The following WDR49 variants were observed in gnomAD, a reference collection of about 807,000 sequenced individuals.
WDR49 encodes WD repeat domain 49.
In WDR49, 107 loss-of-function variants were observed where a neutral mutation model predicts 119.5. The ratio of observed to expected loss-of-function variants is 0.90; its 90% CI spans 0.77 to 1.05. The LOEUF (loss-of-function observed/expected upper bound fraction) is 1.05. Among genes scored for constraint, WDR49 ranks in the 50% least tolerant of loss-of-function variants. WDR49 has a pLI of 0.00. For missense variants in WDR49, 1,240 were observed against 1,220.5 expected (o/e 1.02, Z -0.24); for synonymous variants, 425 against 418.8 (o/e 1.01, Z -0.18).
chr3:167,527,924 C>T lies in WDR49; in HGVS notation c.2500G>A (p.Glu834Lys), dbSNP rs1279718882. ...QPHEDRISSL[E>K]MCEPGGQLLI... The stretch of plus-strand genomic sequence containing the variant: ...AACTGACCACCTGGCTCACACATCT[C>T]TAAGGAACTTATTCGGTCCTCATGA... The change falls in exon 15 of 19, where the codon GAG becomes AAG. Residue 834 changes from glutamate (E) to lysine (K), a missense_variant. By Grantham distance (56) the Glu-to-Lys change is moderately conservative. Coordinates refer to ENST00000682715, the MANE Select transcript of WDR49 (RefSeq NM_001366157.1). 3.7e-6 allele frequency: 6 copies of T among 1,613,206 alleles called. No individual in the cohort carries two copies. The highest frequency in any genetic ancestry group is 1.1e-5 in the South Asian group (1 of 91,058).
chr3:167,648,742 G>GCT (rs1403184002), intron 2 of WDR49, among the ~76,000 whole-genome samples: 1 of 152,144 alleles, frequency 6.6e-6, no homozygotes. Flanking sequence ...ATTCCCTAGT[G>GCT]CTCTCCACTG....
At chr3:167,547,023 A>C (rs1413368725) in intron 10 of WDR49, among the ~76,000 whole-genome samples, 4 of 151,684 alleles carry the variant, frequency 2.6e-5, no homozygotes, top group Non-Finnish European at 5.9e-5. Flanking sequence ...AATAAATATA[A>C]ATTGTATGTA....
In WDR49 at chr3:167,626,829, A is replaced by AT. The variant is rs930220900; in HGVS notation, c.606+22dup. 5.8e-5 allele frequency: 71 copies of AT among 1,233,824 alleles called. No individual in the cohort carries two copies. In the African/African-American group the frequency reaches 9.5e-4, roughly 16 times the overall value. 76.4% of individuals were successfully genotyped at this position (1,233,824 alleles called of 1,614,324 possible). A position where few individuals can be genotyped will look rare whatever the true frequency, so the allele number is the denominator to read the frequency against. On this transcript the variant is annotated intron_variant, in intron 3 of 18. Coordinates refer to ENST00000682715, the MANE Select transcript of WDR49 (RefSeq NM_001366157.1). ...GTTTTCCCTCTTTTACAAGCAGTAC[A>AT]TTTTTTTATAAAGAGTCTGTACCTT...
chr3:167,500,755 T>C (rs2140364), intron 17 of WDR49, among the ~76,000 whole-genome samples: 54,365 of 152,074 alleles, frequency 0.36, 9,895 homozygotes, highest in East Asian at 0.47. Context: ...TTGTATTTAT[T>C]ATGCACACAA....
chr3:167,642,042 A>G (rs182832922), intron 2 of WDR49, among the ~76,000 whole-genome samples: 2 of 152,114 alleles, frequency 1.3e-5, no homozygotes, highest in African/African-American at 4.8e-5. Flanking sequence ...GAGGATGGGA[A>G]GAAAAGGATA....
chr3:167,507,238 T>G (rs1751806584), intron 16 of WDR49, among the ~76,000 whole-genome samples: 2 of 152,166 alleles, frequency 1.3e-5, no homozygotes, highest in Admixed American at 1.3e-4. Context: ...TTACAGATTT[T>G]TTTTTCTTTT....
At chr3:167,611,582 A>C (rs1299364153) in intron 5 of WDR49, among the ~76,000 whole-genome samples, 1 of 152,172 alleles carries the variant, frequency 6.6e-6, no homozygotes. Flanking sequence ...TCTTCAAGAA[A>C]CACACTTCAC....
At chr3:167,616,723 G>A (rs868011987) in intron 5 of WDR49, among the ~76,000 whole-genome samples, 1 of 151,754 alleles carries the variant, frequency 6.6e-6, no homozygotes, top group Non-Finnish European at 1.5e-5. Flanking sequence ...ACAAATCCAA[G>A]AATTTTAATG....
At chr3:167,603,454 A>C (rs1034981798) in intron 6 of WDR49, among the ~76,000 whole-genome samples, 2 of 152,172 alleles carry the variant, frequency 1.3e-5, no homozygotes, top group East Asian at 3.9e-4. Flanking sequence ...ATTCATATTC[A>C]AGGTATCTGT....
Position 167,553,743 on chromosome 3 carries a change from T to C in WDR49, c.1823+907A>G, listed in dbSNP as rs185518279. 1.0e-3 allele frequency among the ~76,000 whole-genome samples: 153 copies of C among 152,206 alleles called. 2 individuals carry two copies. The highest frequency in any genetic ancestry group is 3.5e-3 in the African/African-American group (146 of 41,550). On this transcript the variant is annotated intron_variant, in intron 10 of 18. Transcript: ENST00000682715. ...CTTGTCCTTCACAGATGAGGATGAT[T>C]GAATTAGTTCTTAATATCAAGTAGA...
In WDR49 at chr3:167,482,092, G is replaced by A. The variant is rs530096558; in HGVS notation, c.3032-3096C>T. Among the ~76,000 whole-genome samples the A allele has an allele frequency of 4.4e-4, 67 of 152,272 alleles. No homozygotes were observed. The South Asian group carries it at 0.013, about 31-fold the overall frequency. On this transcript the variant is annotated intron_variant, in intron 18 of 18. Transcript: ENST00000682715. ...CAAAACCAAGTGATATCCCAGTAAT[G>A]TTATTAGACTTTAGAGATAAAGAGG... is the stretch of plus-strand genomic sequence containing the variant.
Position 167,588,575 on chromosome 3 carries a change from A to G in WDR49, c.1276-12424T>C, listed in dbSNP as rs186015124. On this transcript the variant is annotated intron_variant, in intron 7 of 18. Transcript: ENST00000682715. ...AATGCATGAGAATACCCTTTTATCC[A>G]CATCCTCACCAGCATTTGTTATTGC... 5.9e-5 allele frequency among the ~76,000 whole-genome samples: 9 copies of G among 152,292 alleles called. No individual in the cohort carries two copies. The East Asian group carries it at 1.7e-3, about 29-fold the overall frequency.
intron 2 of WDR49, 36 bp from the exon 3 acceptor site, chr3:167,627,328 C>G: frequency 3.2e-6 from 4 of 1,231,314 alleles, no homozygotes; most frequent in Non-Finnish European, 4.1e-6. Context: ...AATGAGACAA[C>G]AGTGAAATCA....
intron 8 of WDR49, chr3:167,574,964 G>T: frequency 1.5e-6 from 1 of 686,108 alleles, no homozygotes; most frequent in Non-Finnish European, 1.8e-6. Flanking sequence ...AGAAAACAGT[G>T]TTTTAAATAG....
At chr3:167,576,496 A>G (rs530884180) in intron 7 of WDR49, among the ~76,000 whole-genome samples, 1 of 152,270 alleles carries the variant, frequency 6.6e-6, no homozygotes, top group African/African-American at 2.4e-5. Context: ...TTAGGTGGCA[A>G]AAGAGATTCT....
chr3:167,591,234 T>C (rs900108655), intron 7 of WDR49, among the ~76,000 whole-genome samples: 2 of 152,138 alleles, frequency 1.3e-5, no homozygotes, highest in Non-Finnish European at 2.9e-5. Context: ...CTCTTGTTAT[T>C]GATGTCTAGT....
chr3:167,488,145 AACACACACACACAC>A lies in WDR49; in HGVS notation c.3032-9163_3032-9150del, dbSNP rs57719248. 5.8e-3 allele frequency among the ~76,000 whole-genome samples: 795 copies of A among 136,282 alleles called. 6 individuals carry two copies. Among genetic ancestry groups the A allele is most frequent in the African/African-American group, 0.02 (755 of 37,688 alleles). 89.4% of individuals were successfully genotyped at this position (136,282 alleles called of 152,430 possible). ...GGATAAAGAAAATGTGATACACTCA[AACACACACACACAC>A]ACACACACACACACACACACACACA... is the stretch of plus-strand genomic sequence containing the variant. On this transcript the variant is annotated intron_variant, in intron 18 of 18. Transcript: ENST00000682715.
At chr3:167,634,932 C>A (rs900001781) in intron 2 of WDR49, among the ~76,000 whole-genome samples, 2 of 151,800 alleles carry the variant, frequency 1.3e-5, no homozygotes, top group Non-Finnish European at 2.9e-5. Flanking sequence ...TCATGATATA[C>A]ATACATATCT....
At position 167,551,846 on chromosome 3, in the gene WDR49, G is replaced by C. The variant is rs1001658844; in HGVS notation, c.1823+2804C>G. On this transcript the variant is annotated intron_variant, in intron 10 of 18. Coordinates refer to ENST00000682715, the MANE Select transcript of WDR49 (RefSeq NM_001366157.1). ...TCACCAAGTATCTAGTAAGCTCCAG[G>C]AATGCACACATACACAAATATCCCT... Among the ~76,000 whole-genome samples, 4 of 151,690 alleles carry C rather than the reference G, an allele frequency of 2.6e-5. No homozygotes were observed. The Admixed American group carries it at 2.6e-4, about 10-fold the overall frequency.
Sources: gnomAD v4.1 joint callset for allele counts (sites outside exome capture counted in the v4.1 genomes callset) on GRCh38, gnomAD v4.1.1 for gene constraint, MANE v1.5 for transcripts, NCBI Gene and HGNC (gene_info 2026-07-23, HGNC 2026-07-21) for gene names.